The following ZEB1 variants were observed in gnomAD, a reference collection of about 807,000 sequenced individuals.
ZEB1 encodes the protein zinc finger E-box-binding homeobox 1.
A neutral mutation model predicts 84.9 loss-of-function variants in ZEB1; 21 were observed. The ratio of observed to expected loss-of-function variants is 0.25; its 90% CI spans 0.18 to 0.36. The LOEUF is 0.36. Ranked by LOEUF, ZEB1 falls within the 10% of genes least tolerant of loss-of-function variation. The pLI is 1.00. For missense variants in ZEB1, 1,104 were observed against 1,330.2 expected (o/e 0.83, Z 2.65); for synonymous variants, 420 against 471.1 (o/e 0.89, Z 1.41).
intron 1 of ZEB1, among the ~76,000 whole-genome samples, chr10:31,426,992 T>A (rs1315802732): frequency 6.6e-6 from 1 of 152,178 alleles, no homozygotes; most frequent in Non-Finnish European, 1.5e-5. Flanking sequence ...TCATCTTTTT[T>A]ATCTAAATTA....
At chr10:31,459,765 ATTTG>A (rs2061612813) in intron 1 of ZEB1, among the ~76,000 whole-genome samples, 1 of 144,474 alleles carries the variant, frequency 6.9e-6, no homozygotes, top group African/African-American at 2.6e-5. Context: ...AGTTTTGGTT[ATTTG>A]TTTTCACCTT....
chr10:31,421,606 C>A (rs2056169973), intron 1 of ZEB1, among the ~76,000 whole-genome samples: 1 of 151,954 alleles, frequency 6.6e-6, no homozygotes, highest in Non-Finnish European at 1.5e-5. Flanking sequence ...TCTGTTAAAA[C>A]CCAGCTTAGG....
intron 1 of ZEB1, among the ~76,000 whole-genome samples, chr10:31,455,060 T>C (rs1385869329): frequency 1.3e-5 from 2 of 151,992 alleles, no homozygotes; most frequent in Non-Finnish European, 2.9e-5. Flanking sequence ...GGTATCAAAA[T>C]AGATATATAG....
chr10:31,527,276 G>A lies in ZEB1; in HGVS notation c.*12G>A, dbSNP rs1426280170. 1 of 1,592,040 alleles carries A rather than the reference G, an allele frequency of 6.3e-7. No individual in the cohort carries two copies. Among genetic ancestry groups the A allele is most frequent in the Non-Finnish European group, 8.5e-7 (1 of 1,172,014 alleles). ...CAAATGAAGCCTAATCGTTTTTCTAGAAGGAAAATAAATTCTAATTGATAA... is the reference window on the plus strand; with the variant it reads ...CAAATGAAGCCTAATCGTTTTTCTAAAAGGAAAATAAATTCTAATTGATAA... On this transcript the variant is annotated 3_prime_UTR_variant, in exon 9 of 9. Coordinates refer to ENST00000424869, the MANE Select transcript of ZEB1 (RefSeq NM_001174096.2).
At chr10:31,482,971 T>G (rs1445810361) in intron 2 of ZEB1, among the ~76,000 whole-genome samples, 3 of 152,088 alleles carry the variant, frequency 2.0e-5, no homozygotes, top group African/African-American at 7.2e-5. Flanking sequence ...TGCCTCCATG[T>G]TGCAGAGTGC....
Position 31,527,412 on chromosome 10 carries a change from AACAC to A in ZEB1, c.*186_*189del, listed in dbSNP as rs3086583. On this transcript the variant is annotated 3_prime_UTR_variant, in exon 9 of 9. Transcript: ENST00000424869. Reference sequence around the variant, plus strand: ...AAAACTAAAAAAATACAAAATACAAAACACACACACACACACACACACACACACA... The same window carrying A: ...AAAACTAAAAAAATACAAAATACAAAACACACACACACACACACACACACA... 41,691 of 513,034 alleles carry A rather than the reference AACAC, an allele frequency of 0.081. 1,737 individuals carry two copies. Among genetic ancestry groups the A allele is most frequent in the African/African-American group, 0.25 (12,525 of 49,508 alleles). 31.8% of individuals were successfully genotyped at this position (513,034 alleles called of 1,614,324 possible). A position where few individuals can be genotyped will look rare whatever the true frequency, so the allele number is the denominator to read the frequency against.
At chr10:31,453,698 C>T (rs1313230606) in intron 1 of ZEB1, among the ~76,000 whole-genome samples, 1 of 152,104 alleles carries the variant, frequency 6.6e-6, no homozygotes, top group Non-Finnish European at 1.5e-5. Flanking sequence ...CCTCCCAAGT[C>T]TAAACCCAGA....
At chr10:31,425,968 G>A (rs1038618831) in intron 1 of ZEB1, among the ~76,000 whole-genome samples, 1 of 152,090 alleles carries the variant, frequency 6.6e-6, no homozygotes, top group African/African-American at 2.4e-5. Context: ...TTCAAAGAAC[G>A]CTGCAATAAT....
intron 1 of ZEB1, 39 bp downstream of exon 1, chr10:31,319,331 G>C (rs372356289): frequency 2.9e-5 from 46 of 1,592,636 alleles, no homozygotes; most frequent in Non-Finnish European, 3.5e-5. Flanking sequence ...CGGAGTCAGG[G>C]GGAGCTGGGC....
chr10:31,401,418 G>C (rs184723322), intron 1 of ZEB1, among the ~76,000 whole-genome samples: 32 of 152,288 alleles, frequency 2.1e-4, no homozygotes, highest in East Asian at 1.9e-4. Flanking sequence ...TCTGAAATCA[G>C]AAGGAAAGTT....
intron 3 of ZEB1, among the ~76,000 whole-genome samples, chr10:31,498,731 C>T (rs536932210): frequency 6.6e-6 from 1 of 151,940 alleles, no homozygotes; most frequent in Non-Finnish European, 1.5e-5. Context: ...ATATGAAATC[C>T]ATAGTATATT....
chr10:31,494,238 C>A (rs1382837493), intron 2 of ZEB1, among the ~76,000 whole-genome samples: 1 of 151,978 alleles, frequency 6.6e-6, no homozygotes, highest in East Asian at 1.9e-4. Flanking sequence ...GTTTATCCTA[C>A]AGCTTTGTAA....
chr10:31,360,014 TATTA>T (rs1203819194), intron 1 of ZEB1, among the ~76,000 whole-genome samples: 9 of 152,346 alleles, frequency 5.9e-5, no homozygotes, highest in African/African-American at 1.7e-4. Flanking sequence ...CAAAGCTTGA[TATTA>T]ATTCTGATAG....
intron 1 of ZEB1, among the ~76,000 whole-genome samples, chr10:31,379,290 C>T (rs185059856): frequency 8.5e-4 from 129 of 152,104 alleles, no homozygotes; most frequent in African/African-American, 3.1e-3. Flanking sequence ...TGTACTGGTT[C>T]AGTATACCCC....
chr10:31,471,701 C>A (rs1421671458), intron 2 of ZEB1, among the ~76,000 whole-genome samples: 1 of 145,022 alleles, frequency 6.9e-6, no homozygotes, highest in African/African-American at 2.7e-5. Flanking sequence ...CAGCTCTGCA[C>A]CAAGCAGACC....
rs372938782 is a variant in ZEB1, at chr10:31,326,912, A to G, written c.58+7620A>G. ...CATTTGGATTATACTTTTGGTCACT[A>G]TTCCCAATTTCAGCTCCCATTCACT... On this transcript the variant is annotated intron_variant, in intron 1 of 8. Coordinates refer to ENST00000424869, the MANE Select transcript of ZEB1 (RefSeq NM_001174096.2). Among the ~76,000 whole-genome samples, 38 of 152,148 alleles carry G rather than the reference A, an allele frequency of 2.5e-4. 1 individual carries two copies. The highest frequency in any genetic ancestry group is 8.2e-4 in the African/African-American group (34 of 41,538).
chr10:31,516,548 A>T (rs2071176175), intron 6 of ZEB1, among the ~76,000 whole-genome samples: 10 of 40,700 alleles, frequency 2.5e-4, no homozygotes, highest in Admixed American at 7.5e-4. Flanking sequence ...GTAAAAAAAA[A>T]AAAAAAAAAA....
At chr10:31,392,278 T>G (rs942833448) in intron 1 of ZEB1, among the ~76,000 whole-genome samples, 2 of 152,174 alleles carry the variant, frequency 1.3e-5, no homozygotes, top group African/African-American at 4.8e-5. Context: ...TTTTTCTCTC[T>G]TCAAATTCTG....
chr10:31,391,461 T>C (rs1333145951), intron 1 of ZEB1, among the ~76,000 whole-genome samples: 1 of 152,072 alleles, frequency 6.6e-6, no homozygotes, highest in Non-Finnish European at 1.5e-5. Context: ...CAATTTACTG[T>C]CATTTGAAAG....
Sources: allele counts gnomAD v4.1 joint callset (sites outside exome capture counted in the v4.1 genomes callset), GRCh38; gene constraint gnomAD v4.1.1; transcripts MANE v1.5; gene names NCBI Gene and HGNC (gene_info 2026-07-23, HGNC 2026-07-21).